Variants in UBXN2A observed in about 807,000 individuals in gnomAD.
UBXN2A encodes UBX domain-containing protein 2A.
Under a neutral mutation model 28.4 loss-of-function variants are expected in UBXN2A, and 28 were observed. That is an observed-to-expected ratio of 0.99 (90% CI 0.73 to 1.35). UBXN2A has a LOEUF of 1.35. UBXN2A is among the 40% of genes most tolerant of loss of function. The probability of loss-of-function intolerance (pLI) is 0.00; values close to 1 mark genes in which losing one functional copy is unlikely to be tolerated. For missense variants in UBXN2A, 253 were observed against 297.9 expected, an observed-to-expected ratio of 0.85 and a Z score of 1.11; for synonymous variants, 97 against 103.6, an observed-to-expected ratio of 0.94 and a Z score of 0.39.
At chr2:23,933,968 C>T (rs1705452160) in intron 1 of UBXN2A, among the ~76,000 whole-genome samples, 1 of 152,084 alleles carries the variant, frequency 6.6e-6, no homozygotes, top group South Asian at 2.1e-4. Context: ...GTAATCCCAG[C>T]ACTTTGGGAG....
At chr2:23,991,341 C>T (rs913843321) in intron 6 of UBXN2A, among the ~76,000 whole-genome samples, 2 of 151,908 alleles carry the variant, frequency 1.3e-5, no homozygotes, top group Admixed American at 1.3e-4. Flanking sequence ...AGATTCATGG[C>T]TGAGACCCCT....
chr2:23,948,160 A>G (rs1335049147), intron 1 of UBXN2A, among the ~76,000 whole-genome samples: 1 of 151,660 alleles, frequency 6.6e-6, no homozygotes, highest in African/African-American at 2.4e-5. Context: ...GGGCTTTTAA[A>G]AAGTTTAATT....
chr2:23,964,213 A>G (rs1707064547), intron 2 of UBXN2A, among the ~76,000 whole-genome samples: 1 of 147,372 alleles, frequency 6.8e-6, no homozygotes, highest in African/African-American at 2.5e-5. Context: ...ATATTATCCA[A>G]TCCTTTTTTT....
At chr2:23,961,855 T>A (rs763544986) in intron 2 of UBXN2A, among the ~76,000 whole-genome samples, 2 of 150,202 alleles carry the variant, frequency 1.3e-5, no homozygotes, top group Non-Finnish European at 3.0e-5. Flanking sequence ...CTTTTTTTTT[T>A]ATTTTTTGAG....
chr2:23,958,367 C>A lies in UBXN2A; in HGVS notation c.41+12C>A. 1.3e-6 allele frequency: 2 copies of A among 1,598,994 alleles called. No homozygotes were observed. Among genetic ancestry groups the A allele is most frequent in the South Asian group, 2.3e-5 (2 of 87,336 alleles). On this transcript the variant is annotated intron_variant, in intron 2 of 6. Transcript: ENST00000309033. ...ATAAAAGAAGAATGGTAAGTTAATTCAAACTGAATTGCTTTGTTAATGCCT... is the reference window on the plus strand; with the variant it reads ...ATAAAAGAAGAATGGTAAGTTAATTAAAACTGAATTGCTTTGTTAATGCCT...
At chr2:23,936,093 A>G (rs1180832853), upstream of UBXN2A, among the ~76,000 whole-genome samples, 2 of 152,136 alleles carry the variant, frequency 1.3e-5, no homozygotes, top group Non-Finnish European at 2.9e-5. Flanking sequence ...TCTTGCCACA[A>G]TAAAACAAAA....
Position 23,977,094 on chromosome 2 carries a change from T to G in UBXN2A, c.287+19T>G, listed in dbSNP as rs1205075006. 6.2e-7 allele frequency: 1 copy of G among 1,602,420 alleles called. No individual in the cohort carries two copies. The highest frequency in any genetic ancestry group is 1.7e-5 in the Admixed American group (1 of 59,812). ...AAAAGGGGTGAGTAGCCAGGTGTGG[T>G]AGGTCAAGCCTGTAAACCCAAAACT... On this transcript the variant is annotated intron_variant, in intron 4 of 6. Transcript: ENST00000309033.
intron 2 of UBXN2A, among the ~76,000 whole-genome samples, chr2:23,961,511 G>A (rs1340048441): frequency 1.4e-5 from 2 of 147,396 alleles, no homozygotes; most frequent in African/African-American, 5.0e-5. Flanking sequence ...AAAAACAATG[G>A]TCCAGGGAAA....
chr2:23,991,857 T>C (rs1170874296), intron 6 of UBXN2A, among the ~76,000 whole-genome samples: 1 of 152,144 alleles, frequency 6.6e-6, no homozygotes, highest in Non-Finnish European at 1.5e-5. Context: ...AGTGGCATGA[T>C]CTTGGCTCAT....
chr2:23,930,879 A>C (rs1705345872), intron 1 of UBXN2A, among the ~76,000 whole-genome samples: 1 of 152,108 alleles, frequency 6.6e-6, no homozygotes, highest in Non-Finnish European at 1.5e-5. Flanking sequence ...ATTTAAAAAA[A>C]AAGGAGGCCA....
At chr2:23,950,015 C>G (rs1452319630) in intron 1 of UBXN2A, among the ~76,000 whole-genome samples, 1 of 132,690 alleles carries the variant, frequency 7.5e-6, no homozygotes, top group Non-Finnish European at 1.6e-5. Flanking sequence ...ACCCCCACCC[C>G]CACCCCCACC....
intron 1 of UBXN2A, among the ~76,000 whole-genome samples, chr2:23,954,328 A>G (rs1573548642): frequency 6.6e-6 from 1 of 152,166 alleles, no homozygotes; most frequent in East Asian, 1.9e-4. Flanking sequence ...GCATTCATCC[A>G]TGTTATAGTA....
chr2:23,991,065 T>G (rs1708334580), intron 6 of UBXN2A, among the ~76,000 whole-genome samples: 1 of 152,204 alleles, frequency 6.6e-6, no homozygotes, highest in Non-Finnish European at 1.5e-5. Flanking sequence ...CCATGTTCTG[T>G]CCTACTAATG....
intron 1 of UBXN2A, among the ~76,000 whole-genome samples, chr2:23,955,197 C>T (rs1706561836): frequency 6.6e-6 from 1 of 152,122 alleles, no homozygotes; most frequent in Non-Finnish European, 1.5e-5. Flanking sequence ...TCCCAAAGTG[C>T]TGGGATTACA....
chr2:23,998,718 C>G (rs1295349161), intron 6 of UBXN2A, among the ~76,000 whole-genome samples: 3 of 151,996 alleles, frequency 2.0e-5, no homozygotes, highest in Non-Finnish European at 2.9e-5. Flanking sequence ...TAGACTCCAT[C>G]TCAAAAAAAA....
In UBXN2A at chr2:23,966,698, A is replaced by G. The variant is rs574249932; in HGVS notation, c.42-4578A>G. 7.2e-3 allele frequency among the ~76,000 whole-genome samples: 951 copies of G among 132,188 alleles called. 3 individuals are homozygous for G. Among genetic ancestry groups the G allele is most frequent in the South Asian group, 0.028 (120 of 4,214 alleles). 86.7% of individuals were successfully genotyped at this position (132,188 alleles called of 152,430 possible). A position where few individuals can be genotyped will look rare whatever the true frequency, so the allele number is the denominator to read the frequency against. The stretch of plus-strand genomic sequence containing the variant: ...GATCTCCTGACCTTGTGATCCGCCC[A>G]CCTTGGCCTCCCAAAGTGCTAGGAT... On this transcript the variant is annotated intron_variant, in intron 2 of 6. Transcript: ENST00000309033.
intron 2 of UBXN2A, among the ~76,000 whole-genome samples, chr2:23,961,288 G>A (rs1277792139): frequency 6.6e-6 from 1 of 151,232 alleles, no homozygotes; most frequent in Non-Finnish European, 1.5e-5. Context: ...TAGAGATGGG[G>A]TTTCACCATG....
chr2:23,972,091 C>A (rs1458883656), intron 3 of UBXN2A, among the ~76,000 whole-genome samples: 1 of 151,506 alleles, frequency 6.6e-6, no homozygotes, highest in African/African-American at 2.4e-5. Flanking sequence ...AGAGTGAGAC[C>A]CTGACTGATA....
At chr2:23,942,525 T>C (rs1216036162) in intron 1 of UBXN2A, among the ~76,000 whole-genome samples, 1 of 148,592 alleles carries the variant, frequency 6.7e-6, no homozygotes, top group African/African-American at 2.5e-5. Context: ...ATTCAAGCGA[T>C]TCTCCTGCCT....
Sources: gnomAD v4.1 joint callset for allele counts (sites outside exome capture counted in the v4.1 genomes callset) on GRCh38, gnomAD v4.1.1 for gene constraint, MANE v1.5 for transcripts, NCBI Gene and HGNC (gene_info 2026-07-23, HGNC 2026-07-21) for gene names.